Variants in PALM observed in about 807,000 individuals in gnomAD.
The protein encoded by PALM is paralemmin.
PALM carries 18 observed loss-of-function variants against 30.7 expected under a neutral mutation model. That is an observed-to-expected ratio of 0.59 (90% CI 0.41 to 0.87). The LOEUF (loss-of-function observed/expected upper bound fraction) is 0.87. Among genes scored for constraint, PALM ranks in the 40% least tolerant of loss-of-function variants. PALM has a pLI of 0.00. For missense variants in PALM, 529 were observed against 555.4 expected, an observed-to-expected ratio of 0.95 and a Z score of 0.48; for synonymous variants, 286 against 242.8, an observed-to-expected ratio of 1.18 and a Z score of -1.66.
At chr19:714,779 C>T (rs1252769526) in intron 1 of PALM, among the ~76,000 whole-genome samples, 1 of 152,092 alleles carries the variant, frequency 6.6e-6, no homozygotes, top group African/African-American at 2.4e-5. Flanking sequence ...TCTTGAGTAG[C>T]TGGGACTACA....
chr19:727,752 C>T (rs1360099618), intron 4 of PALM, 58 bp downstream of exon 4: 25 of 1,471,394 alleles, frequency 1.7e-5, no homozygotes, highest in Admixed American at 2.2e-5. Context: ...GCCGCTGGCT[C>T]CCGGGAGGGT....
In PALM at chr19:709,367, C is replaced by T. The variant is rs2144834041; in HGVS notation, c.5+216C>T. Among the ~76,000 whole-genome samples the T allele has an allele frequency of 6.6e-6, 1 of 151,694 alleles. No individual in the cohort carries two copies. The highest frequency in any genetic ancestry group is 2.0e-4 in the East Asian group (1 of 5,118). Reference sequence around the variant, plus strand: ...CTCCCCGCTCCCGGACCCCGGCTGCCCACCCACCGGCGCGTGGGGACCCGG... The same window carrying T: ...CTCCCCGCTCCCGGACCCCGGCTGCTCACCCACCGGCGCGTGGGGACCCGG... On this transcript the variant is annotated intron_variant, in intron 1 of 8. Coordinates refer to ENST00000338448, the MANE Select transcript of PALM (RefSeq NM_002579.3). The surrounding 1 kb of genome is among the most constrained non-coding windows in gnomAD (Gnocchi z 4.3).
At chr19:732,460 C>T (rs890451514) in intron 5 of PALM, among the ~76,000 whole-genome samples, 2 of 152,098 alleles carry the variant, frequency 1.3e-5, no homozygotes, top group Admixed American at 6.6e-5. Context: ...TTTGGGAGGC[C>T]GAGGCAGGCA....
intron 1 of PALM, among the ~76,000 whole-genome samples, chr19:719,814 G>T (rs1369507197): frequency 6.6e-6 from 1 of 152,130 alleles, no homozygotes; most frequent in Non-Finnish European, 1.5e-5. Flanking sequence ...GCCCTGCCCG[G>T]CCTCAGTTTC....
chr19:717,825 A>T (rs1002545580), intron 1 of PALM, among the ~76,000 whole-genome samples: 6 of 152,172 alleles, frequency 3.9e-5, no homozygotes, highest in African/African-American at 1.4e-4. Flanking sequence ...CTGGGGCAGC[A>T]AGCATTTATT....
At position 726,950 on chromosome 19, in the gene PALM, TGG is replaced by T. The variant is rs567356479; in HGVS notation, c.58-52_58-51del. On this transcript the variant is annotated intron_variant, in intron 2 of 8. Transcript: ENST00000338448. ...GGCTGGGCAGAGCCTTGTGTGGGGG[TGG>T]GGGGGTCTCCGGGACCCCCACGCCC... 8.1e-6 allele frequency: 7 copies of T among 864,294 alleles called. No homozygotes were observed. In the Admixed American group the frequency reaches 1.4e-4, roughly 17 times the overall value. 53.5% of individuals were successfully genotyped at this position (864,294 alleles called of 1,614,324 possible).
At position 740,392 on chromosome 19, in the gene PALM, G is replaced by C; in HGVS notation, c.543G>C (p.Val181=). The C allele has an allele frequency of 1.3e-6, 2 of 1,560,902 alleles. 1 individual carries two copies. The highest frequency in any genetic ancestry group is 3.8e-5 in the Admixed American group (2 of 52,114). ...AGATCACTGTGGAGAAGGACAAGGT[G>C]ACAGGGGAGACCAGGGTGCTGTCCA... ...SVEITVEKDK[V]TGETRVLSST... is the part of the protein sequence containing the mutation. The change falls in exon 8 of 9, where the codon GTG becomes GTC. Residue 181 remains valine, a synonymous_variant. Transcript: ENST00000338448.
chr19:736,870 A>G (rs548245660), intron 7 of PALM, among the ~76,000 whole-genome samples: 13 of 152,178 alleles, frequency 8.5e-5, no homozygotes, highest in African/African-American at 3.1e-4. Flanking sequence ...CCTGGCCAAC[A>G]TGGCGAAACC....
chr19:721,873 C>T (rs940169985), intron 1 of PALM, among the ~76,000 whole-genome samples: 3 of 152,122 alleles, frequency 2.0e-5, no homozygotes, highest in African/African-American at 7.2e-5. Context: ...GCTGGGATTC[C>T]AGGCGTGAGC....
At chr19:728,419 G>A (rs911638076) in intron 4 of PALM, among the ~76,000 whole-genome samples, 13 of 152,210 alleles carry the variant, frequency 8.5e-5, no homozygotes, top group Non-Finnish European at 1.6e-4. Context: ...TTCTGACCCC[G>A]TGGGGGCCCC....
At chr19:728,573 CG>C (rs1460926448) in intron 4 of PALM, among the ~76,000 whole-genome samples, 1 of 152,126 alleles carries the variant, frequency 6.6e-6, no homozygotes, top group Non-Finnish European at 1.5e-5. Flanking sequence ...TTTGGGAAGC[CG>C]AGGCAGGAGG....
chr19:722,088 T>G (rs1283212911), intron 1 of PALM, among the ~76,000 whole-genome samples: 2 of 150,458 alleles, frequency 1.3e-5, no homozygotes, highest in Admixed American at 6.6e-5. Flanking sequence ...CGGGCTAATT[T>G]TTTGTGTTTT....
chr19:715,876 C>T (rs375474863), intron 1 of PALM, among the ~76,000 whole-genome samples: 25 of 152,082 alleles, frequency 1.6e-4, no homozygotes, highest in Middle Eastern at 3.2e-3. Flanking sequence ...CCCACAGGGA[C>T]GGGGCTCCCT....
At position 746,715 on chromosome 19, in the gene PALM, C is replaced by T. The variant is rs1599173986; in HGVS notation, c.1065C>T (p.Ala355=). 1.9e-6 allele frequency: 3 copies of T among 1,607,316 alleles called. No individual in the cohort carries two copies. Among genetic ancestry groups the T allele is most frequent in the Non-Finnish European group, 2.5e-6 (3 of 1,177,716 alleles). The part of the protein sequence containing the change: ...GSAAEPPTEA[A]SREENQAGPE... ...CTGCCGAGCCTCCCACGGAGGCCGC[C>T]TCCAGGGAAGAGAATCAGGCGGGGC... Residue 355 remains alanine (A), a synonymous_variant, in exon 9 of 9, where the codon GCC becomes GCT. Coordinates refer to ENST00000338448, the MANE Select transcript of PALM (RefSeq NM_002579.3). The surrounding 1 kb of genome is among the most constrained non-coding windows in gnomAD (Gnocchi z 7.1).
At chr19:713,357 C>T (rs1011959141) in intron 1 of PALM, among the ~76,000 whole-genome samples, 3 of 151,864 alleles carry the variant, frequency 2.0e-5, no homozygotes, top group Non-Finnish European at 2.9e-5. Flanking sequence ...CCTGACTCCC[C>T]GTCACACCTT....
rs201201497 is a variant in PALM at position 725,594 on chromosome 19, C to T, written c.6-544C>T. On this transcript the variant is annotated intron_variant, in intron 1 of 8. Coordinates refer to ENST00000338448, the MANE Select transcript of PALM (RefSeq NM_002579.3). Reference sequence around the variant, plus strand: ...CAAAACCACAATGATTGGATAAGAGCGAGTCTGGGGTTGAATCCGGACTTG... The same window carrying T: ...CAAAACCACAATGATTGGATAAGAGTGAGTCTGGGGTTGAATCCGGACTTG... Among the ~76,000 whole-genome samples the T allele has an allele frequency of 2.6e-4, 40 of 152,270 alleles. No homozygotes were observed. In the East Asian group the frequency reaches 5.2e-3, roughly 20 times the overall value.
chr19:709,447 G>A lies in PALM; in HGVS notation c.5+296G>A, dbSNP rs2031996314. Among the ~76,000 whole-genome samples the A allele has an allele frequency of 6.6e-6, 1 of 151,358 alleles. No individual in the cohort carries two copies. Among genetic ancestry groups the A allele is most frequent in the South Asian group, 2.1e-4 (1 of 4,804 alleles). The stretch of plus-strand genomic sequence containing the variant: ...CGGGGAGGGGGAGGCTCGCGTCTCC[G>A]CCCGCGCCCCGCCCGCGTCTCCAGG... On this transcript the variant is annotated intron_variant, in intron 1 of 8. Coordinates refer to ENST00000338448, the MANE Select transcript of PALM (RefSeq NM_002579.3). The surrounding 1 kb of genome is among the most constrained non-coding windows in gnomAD (Gnocchi z 4.3).
intron 4 of PALM, among the ~76,000 whole-genome samples, chr19:730,357 G>A (rs1351282556): frequency 6.6e-6 from 1 of 152,152 alleles, no homozygotes; most frequent in Non-Finnish European, 1.5e-5. Context: ...AATGTCGCCC[G>A]CCCTTGCCAG....
At chr19:710,621 G>T (rs1302288687) in intron 1 of PALM, among the ~76,000 whole-genome samples, 1 of 151,896 alleles carries the variant, frequency 6.6e-6, no homozygotes, top group African/African-American at 2.4e-5. Flanking sequence ...CTTTCCCACG[G>T]GGGATACTGA....
Sources: gnomAD v4.1 joint callset for allele counts (sites outside exome capture counted in the v4.1 genomes callset) on GRCh38, gnomAD v4.1.1 for gene constraint, Gnocchi (gnomAD v3.1) non-coding constraint, MANE v1.5 for transcripts, NCBI Gene and HGNC (gene_info 2026-07-23, HGNC 2026-07-21) for gene names.